SCGB2B2: variants seen among roughly 807,000 people sequenced by gnomAD.
The protein encoded by SCGB2B2 is secretoglobin-like protein.
Under a neutral mutation model 7.6 loss-of-function variants are expected in SCGB2B2, and 11 were observed. The observed-to-expected ratio is 1.45, with a 90% confidence interval of 0.91 to 2.40. The LOEUF (loss-of-function observed/expected upper bound fraction) is 2.40. Among genes scored for constraint, SCGB2B2 ranks in the 30% most tolerant of loss-of-function variants. SCGB2B2 has a pLI of 0.00. For synonymous variants in SCGB2B2, 50 were observed against 48.6 expected (o/e 1.03, Z -0.12); for missense variants, 104 against 115.4 (o/e 0.90, Z 0.45).
At chr19:34,617,730 G>C (rs2066124233) in intron 1 of SCGB2B2, among the ~76,000 whole-genome samples, 1 of 152,222 alleles carries the variant, frequency 6.6e-6, no homozygotes, top group Admixed American at 6.5e-5. Context: ...ATGTTGAATA[G>C]GAGTGGTGAG....
Position 34,661,066 on chromosome 19 carries a change from T to C in SCGB2B2, c.-2032+14564A>G, listed in dbSNP as rs183124575. Among the ~76,000 whole-genome samples, 41 of 146,842 alleles carry C rather than the reference T, an allele frequency of 2.8e-4. No homozygotes were observed. The East Asian group carries it at 6.6e-3, about 24-fold the overall frequency. ...ACATATTCTCACTCATAGGTGGGAG[T>C]TGAACAATGAGAACACATGGACACA... is the stretch of plus-strand genomic sequence containing the variant. On this transcript the variant is annotated intron_variant, in intron 1 of 3. Coordinates refer to ENST00000601241, the MANE Select transcript of SCGB2B2 (RefSeq NM_001025591.4).
At chr19:34,594,053 G>A (rs910022108) in intron 3 of SCGB2B2, 122 bp downstream of exon 3, 23 of 787,202 alleles carry the variant, frequency 2.9e-5, no homozygotes, top group Non-Finnish European at 3.7e-5. Context: ...CTGATTTTGC[G>A]CATCCTGGGA....
At chr19:34,658,289 A>C (rs1358796398) in intron 1 of SCGB2B2, among the ~76,000 whole-genome samples, 13 of 151,998 alleles carry the variant, frequency 8.6e-5, no homozygotes, top group Admixed American at 8.5e-4. Context: ...AAACCCTTCA[A>C]AAAAAATCAA....
intron 1 of SCGB2B2, among the ~76,000 whole-genome samples, chr19:34,653,649 A>G (rs2067215837): frequency 6.6e-6 from 1 of 151,292 alleles, no homozygotes; most frequent in Admixed American, 6.6e-5. Context: ...CCCTGAAATA[A>G]AAGAATAGTT....
chr19:34,641,933 C>A (rs1244855496), intron 1 of SCGB2B2, among the ~76,000 whole-genome samples: 13 of 152,148 alleles, frequency 8.5e-5, no homozygotes, highest in Non-Finnish European at 1.9e-4. Flanking sequence ...AATGCCATTT[C>A]TTCTAAAAAT....
In SCGB2B2 at chr19:34,675,950, G is replaced by A. The variant is rs758315651; in HGVS notation, c.-2352C>T. On this transcript the variant is annotated 5_prime_UTR_variant, in exon 1 of 4. Transcript: ENST00000601241. ...GAGTGAAGCTGCAGACCTTCAGGGT[G>A]AGTGTTGCAGCTCATAAAGGTAGTG... is the stretch of plus-strand genomic sequence containing the variant. 1 of 152,344 alleles carries A rather than the reference G, an allele frequency of 6.6e-6. No homozygotes were observed. The highest frequency in any genetic ancestry group is 2.4e-5 in the African/African-American group (1 of 41,430). The allele number at this position is 152,344 out of a possible 1,614,324, so 9.4% of individuals were successfully genotyped here. A position where few individuals can be genotyped will look rare whatever the true frequency, so the allele number is the denominator to read the frequency against.
chr19:34,597,907 T>C (rs1421798781), intron 1 of SCGB2B2, among the ~76,000 whole-genome samples: 1 of 150,544 alleles, frequency 6.6e-6, no homozygotes, highest in Non-Finnish European at 1.5e-5. Context: ...GGCTGGTGGG[T>C]GGGTCAGGGC....
At chr19:34,593,671 C>A (rs1251370430) in intron 3 of SCGB2B2, 72 bp from the exon 4 acceptor site, 5 of 1,299,194 alleles carry the variant, frequency 3.8e-6, no homozygotes, top group Non-Finnish European at 5.4e-6. Context: ...CGTTATTGCC[C>A]GGTCCCCGAG....
chr19:34,634,262 C>T (rs564287045), intron 1 of SCGB2B2, among the ~76,000 whole-genome samples: 1 of 152,286 alleles, frequency 6.6e-6, no homozygotes, highest in South Asian at 2.1e-4. Flanking sequence ...TGGTGGTCTG[C>T]AATGGCCTCA....
At chr19:34,631,173 G>A (rs1400602857) in intron 1 of SCGB2B2, among the ~76,000 whole-genome samples, 2 of 151,698 alleles carry the variant, frequency 1.3e-5, no homozygotes, top group African/African-American at 2.4e-5. Flanking sequence ...TAAATGACGA[G>A]TTAACGGGTG....
chr19:34,667,800 C>T (rs932823657), intron 1 of SCGB2B2, among the ~76,000 whole-genome samples: 7 of 150,166 alleles, frequency 4.7e-5, no homozygotes, highest in Non-Finnish European at 1.0e-4. Flanking sequence ...GACACTGACC[C>T]GGGCCACCCA....
intron 1 of SCGB2B2, among the ~76,000 whole-genome samples, chr19:34,613,939 A>G (rs2066001972): frequency 6.6e-6 from 1 of 152,198 alleles, no homozygotes; most frequent in African/African-American, 2.4e-5. Flanking sequence ...CACTTTGAAT[A>G]TATTATCCCA....
chr19:34,674,184 A>G (rs4806037), intron 1 of SCGB2B2, among the ~76,000 whole-genome samples: 98,670 of 152,064 alleles, frequency 0.65, 32,961 homozygotes, highest in African/African-American at 0.8. Context: ...AAACAATGAA[A>G]AATCCCTATG....
At chr19:34,662,116 G>A (rs886256365) in intron 1 of SCGB2B2, among the ~76,000 whole-genome samples, 1 of 151,988 alleles carries the variant, frequency 6.6e-6, no homozygotes, top group African/African-American at 2.4e-5. Flanking sequence ...TCTTGATCTC[G>A]TAATCCACCT....
intron 1 of SCGB2B2, among the ~76,000 whole-genome samples, chr19:34,628,946 G>A (rs955040111): frequency 6.6e-6 from 1 of 151,964 alleles, no homozygotes; most frequent in Non-Finnish European, 1.5e-5. Context: ...TCATCCCTGG[G>A]ATGCAAGGCT....
chr19:34,599,764 C>G (rs931065), intron 1 of SCGB2B2, among the ~76,000 whole-genome samples: 1 of 151,818 alleles, frequency 6.6e-6, no homozygotes, highest in Non-Finnish European at 1.5e-5. Context: ...CCTCTTCCCC[C>G]TGTTCCTCAG....
intron 1 of SCGB2B2, among the ~76,000 whole-genome samples, chr19:34,652,264 A>G (rs576093950): frequency 1.3e-5 from 2 of 151,430 alleles, no homozygotes; most frequent in East Asian, 3.9e-4. Context: ...AAAAGCAAAA[A>G]TAGGATAACT....
chr19:34,624,149 G>C (rs1390622917), intron 1 of SCGB2B2, among the ~76,000 whole-genome samples: 7 of 152,216 alleles, frequency 4.6e-5, no homozygotes, highest in African/African-American at 1.7e-4. Context: ...TCTAGGCAGA[G>C]AGGTGTGGGG....
intron 1 of SCGB2B2, among the ~76,000 whole-genome samples, chr19:34,619,337 T>C (rs1311741348): frequency 1.3e-5 from 2 of 152,204 alleles, no homozygotes; most frequent in South Asian, 2.1e-4. Context: ...CTTTTAAGTA[T>C]AGAGATCTTA....
Sources: gnomAD v4.1 joint callset for allele counts (sites outside exome capture counted in the v4.1 genomes callset) on GRCh38, gnomAD v4.1.1 for gene constraint, MANE v1.5 for transcripts, NCBI Gene and HGNC (gene_info 2026-07-23, HGNC 2026-07-21) for gene names.